SLC24A2: variants seen among roughly 807,000 people sequenced by gnomAD.
SLC24A2 encodes sodium/potassium/calcium exchanger 2.
A neutral mutation model predicts 62.0 loss-of-function variants in SLC24A2; 36 were observed. That is an observed-to-expected ratio of 0.58 (90% CI 0.44 to 0.77). The LOEUF (loss-of-function observed/expected upper bound fraction) is 0.77. SLC24A2 is among the 30% of genes least tolerant of loss of function. The probability of loss-of-function intolerance (pLI) is 0.00; values close to 1 mark genes in which losing one functional copy is unlikely to be tolerated. For synonymous variants in SLC24A2, 358 were observed against 294.0 expected (o/e 1.22, Z -2.23); for missense variants, 846 against 817.9 (o/e 1.03, Z -0.42).
chr9:19,616,006 AC>A (rs1817759198), intron 4 of SLC24A2, among the ~76,000 whole-genome samples: 1 of 143,242 alleles, frequency 7.0e-6, no homozygotes, highest in Non-Finnish European at 1.5e-5. Flanking sequence ...ACACACACAC[AC>A]ACACACACAC....
intron 2 of SLC24A2, among the ~76,000 whole-genome samples, chr9:19,629,216 C>A (rs145253099): frequency 6.6e-6 from 1 of 152,270 alleles, no homozygotes; most frequent in Non-Finnish European, 1.5e-5. Flanking sequence ...GCTCCAGAGC[C>A]TTCCTAAGTG....
chr9:20,164,182 C>T, the SLC24A2 span, among the ~76,000 whole-genome samples: 1 of 151,938 alleles, frequency 6.6e-6, no homozygotes, highest in East Asian at 1.9e-4. Flanking sequence ...AGCTACCATC[C>T]GAGTGAACAG....
At chr9:19,953,211 G>A in the SLC24A2 span, among the ~76,000 whole-genome samples, 2 of 151,940 alleles carry the variant, frequency 1.3e-5, no homozygotes, top group Admixed American at 6.6e-5. Flanking sequence ...TTTTCCCAAA[G>A]AATATTTTTT....
At chr9:20,141,770 G>A in the SLC24A2 span, among the ~76,000 whole-genome samples, 1 of 151,752 alleles carries the variant, frequency 6.6e-6, no homozygotes, top group Non-Finnish European at 1.5e-5. Context: ...CACCTAATAC[G>A]CTATAAAGAT....
chr9:19,573,582 A>G (rs1835916196), intron 6 of SLC24A2, 113 bp from the exon 7 acceptor site: 1 of 855,270 alleles, frequency 1.2e-6, no homozygotes, highest in Non-Finnish European at 2.0e-6. Flanking sequence ...GGGGGTAAAG[A>G]GCAATATTGA....
At chr9:19,701,688 T>C (rs1382880535) in intron 2 of SLC24A2, among the ~76,000 whole-genome samples, 2 of 152,208 alleles carry the variant, frequency 1.3e-5, no homozygotes, top group Non-Finnish European at 2.9e-5. Context: ...ACCCAAACTG[T>C]GGTCAGCTTA....
chr9:19,738,038 T>C (rs935713598), intron 2 of SLC24A2, among the ~76,000 whole-genome samples: 4 of 152,194 alleles, frequency 2.6e-5, no homozygotes, highest in Non-Finnish European at 4.4e-5. Context: ...AATAACTTGC[T>C]GATCTTCAAA....
chr9:19,937,289 A>C, the SLC24A2 span, among the ~76,000 whole-genome samples: 1 of 152,190 alleles, frequency 6.6e-6, no homozygotes, highest in Admixed American at 6.5e-5. Context: ...GGGTCTTCCT[A>C]AAGAAGGCAT....
chr9:19,694,190 T>C (rs992996727), intron 2 of SLC24A2, among the ~76,000 whole-genome samples: 1 of 152,082 alleles, frequency 6.6e-6, no homozygotes, highest in African/African-American at 2.4e-5. Flanking sequence ...AGGAAAATAA[T>C]AAATGATGAA....
chr9:19,519,349 T>TGTG (rs1563927309), intron 10 of SLC24A2, among the ~76,000 whole-genome samples: 26 of 147,680 alleles, frequency 1.8e-4, no homozygotes, highest in African/African-American at 6.5e-4. Context: ...TTAAACTTCC[T>TGTG]TGTGTGTGTG....
At chr9:20,267,251 G>C in the SLC24A2 span, among the ~76,000 whole-genome samples, 5,993 of 152,158 alleles carry the variant, frequency 0.039, 164 homozygotes, top group African/African-American at 0.067. Context: ...ACATCATATA[G>C]CAAATCTAGT....
the SLC24A2 span, among the ~76,000 whole-genome samples, chr9:19,835,650 A>G: frequency 1.3e-5 from 2 of 152,244 alleles, no homozygotes; most frequent in African/African-American, 4.8e-5. Context: ...CCCCACTGTC[A>G]ACATTAGACA....
chr9:19,846,085 T>C, the SLC24A2 span, among the ~76,000 whole-genome samples: 1 of 152,326 alleles, frequency 6.6e-6, no homozygotes, highest in East Asian at 1.9e-4. Flanking sequence ...AGGTGGAGTA[T>C]TCTGTAGATG....
chr9:20,183,215 C>G, the SLC24A2 span, among the ~76,000 whole-genome samples: 1 of 152,240 alleles, frequency 6.6e-6, no homozygotes, highest in Non-Finnish European at 1.5e-5. Flanking sequence ...GTGGGGAGAA[C>G]TAAGTATCAT....
the SLC24A2 span, among the ~76,000 whole-genome samples, chr9:20,114,880 C>G: frequency 6.6e-6 from 1 of 152,028 alleles, no homozygotes; most frequent in Non-Finnish European, 1.5e-5. Context: ...GAATTTGATT[C>G]TATAAAACAA....
chr9:19,753,068 C>A (rs1398691961), intron 2 of SLC24A2, among the ~76,000 whole-genome samples: 1 of 152,184 alleles, frequency 6.6e-6, no homozygotes, highest in Non-Finnish European at 1.5e-5. Flanking sequence ...AGATTTAGAC[C>A]TAGATCCACA....
the SLC24A2 span, among the ~76,000 whole-genome samples, chr9:19,866,252 GA>G: frequency 6.6e-6 from 1 of 152,142 alleles, no homozygotes; most frequent in African/African-American, 2.4e-5. Flanking sequence ...CTGTTGGTGC[GA>G]ATGTAAATTA....
the SLC24A2 span, among the ~76,000 whole-genome samples, chr9:20,279,108 A>C: frequency 1.3e-5 from 2 of 152,190 alleles, no homozygotes; most frequent in Admixed American, 6.5e-5. Flanking sequence ...ACAACATGAA[A>C]AAAAACCTAT....
At chr9:19,936,786 T>G in the SLC24A2 span, among the ~76,000 whole-genome samples, 2 of 152,174 alleles carry the variant, frequency 1.3e-5, no homozygotes, top group African/African-American at 4.8e-5. Context: ...TCTAGAGATA[T>G]TATCTCAAGA....
Sources: gnomAD v4.1 joint callset for allele counts (sites outside exome capture counted in the v4.1 genomes callset) on GRCh38, gnomAD v4.1.1 for gene constraint, MANE v1.5 for transcripts, NCBI Gene and HGNC (gene_info 2026-07-23, HGNC 2026-07-21) for gene names.